MTR: variants seen among roughly 807,000 people sequenced by gnomAD.
The protein encoded by MTR is 5-methyltetrahydrofolate-homocysteine methyltransferase, also known as methionine synthase.
Under a neutral mutation model 154.8 loss-of-function variants are expected in MTR, and 84 were observed. The ratio of observed to expected loss-of-function variants is 0.54; its 90% CI spans 0.45 to 0.65. The LOEUF (loss-of-function observed/expected upper bound fraction) is 0.65. MTR is among the 30% of genes least tolerant of loss of function. The pLI is 0.00. For synonymous variants in MTR, 554 were observed against 553.9 expected, an observed-to-expected ratio of 1.00 and a Z score of 0.00; for missense variants, 1,275 against 1,570.2, an observed-to-expected ratio of 0.81 and a Z score of 3.18.
At chr1:236,854,941 A>G (rs954954829) in intron 18 of MTR, among the ~76,000 whole-genome samples, 1 of 152,220 alleles carries the variant, frequency 6.6e-6, no homozygotes, top group African/African-American at 2.4e-5. Flanking sequence ...GAATTTCCTC[A>G]TTCTTAATGT....
chr1:236,896,938 C>T, intron 31 of MTR, 68 bp from the exon 32 acceptor site: 2 of 1,138,948 alleles, frequency 1.8e-6, no homozygotes, highest in Non-Finnish European at 2.7e-6. Context: ...TCATTGAGTG[C>T]CTGCTAGCTG....
chr1:236,884,956 A>G (rs906767509), intron 25 of MTR, among the ~76,000 whole-genome samples, 165 bp from the exon 26 acceptor site: 4 of 152,210 alleles, frequency 2.6e-5, no homozygotes, highest in African/African-American at 9.6e-5. Flanking sequence ...TCCCAAGCCC[A>G]CTGAGTTTAC....
At chr1:236,859,202 G>A (rs1288501280) in intron 18 of MTR, among the ~76,000 whole-genome samples, 1 of 152,242 alleles carries the variant, frequency 6.6e-6, no homozygotes, top group East Asian at 1.9e-4. Context: ...TCATAACATG[G>A]CAGAGGGCAT....
chr1:236,820,303 AAGG>A, intron 8 of MTR: 1 of 753,154 alleles, frequency 1.3e-6, no homozygotes, highest in Non-Finnish European at 2.4e-6. Flanking sequence ...GACTGTGACC[AAGG>A]AGGAGTTTCA....
intron 22 of MTR, among the ~76,000 whole-genome samples, chr1:236,873,066 T>G (rs2147876240): frequency 6.6e-6 from 1 of 152,362 alleles, no homozygotes; most frequent in East Asian, 1.9e-4. Context: ...GCAAAACATG[T>G]TATCTCCATA....
chr1:236,880,714 A>G, intron 24 of MTR, 41 bp from the exon 25 acceptor site: 6 of 1,473,322 alleles, frequency 4.1e-6, no homozygotes, highest in East Asian at 2.3e-5. Flanking sequence ...AGGAACTGTC[A>G]GTGCTGATGG....
chr1:236,893,454 C>T (rs1426376450), intron 29 of MTR, among the ~76,000 whole-genome samples: 1 of 152,184 alleles, frequency 6.6e-6, no homozygotes, highest in East Asian at 1.9e-4. Context: ...CTCCCACTGT[C>T]TGACCTTGGG....
At chr1:236,810,394 C>A in intron 4 of MTR, 109 bp from the exon 5 acceptor site, 2 of 934,684 alleles carry the variant, frequency 2.1e-6, no homozygotes, top group Non-Finnish European at 3.5e-6. Flanking sequence ...GAGTTGTGGA[C>A]AAAAGATTAT....
intron 5 of MTR, chr1:236,811,700 C>T (rs1048615934): frequency 8.8e-5 from 40 of 456,208 alleles, no homozygotes; most frequent in African/African-American, 4.6e-4. Flanking sequence ...AGGTGAAGTA[C>T]GGTAAGTCTT....
chr1:236,853,882 T>TC (rs1168031008), intron 18 of MTR, among the ~76,000 whole-genome samples: 14 of 152,348 alleles, frequency 9.2e-5, no homozygotes, highest in African/African-American at 3.4e-4. Flanking sequence ...CCTAGGCACA[T>TC]GAAGTATCTA....
At chr1:236,845,975 C>T (rs566243250) in intron 15 of MTR, among the ~76,000 whole-genome samples, 60 of 152,280 alleles carry the variant, frequency 3.9e-4, no homozygotes, top group Middle Eastern at 6.8e-3. Flanking sequence ...ACTACTGTTG[C>T]GACTAAGCAA....
intron 6 of MTR, among the ~76,000 whole-genome samples, chr1:236,815,269 A>G (rs1011960239): frequency 1.3e-5 from 2 of 152,194 alleles, no homozygotes; most frequent in African/African-American, 4.8e-5. Context: ...AGGCTCAGGC[A>G]GTCGTCCTGT....
chr1:236,875,437 A>C (rs1011793640), intron 24 of MTR, among the ~76,000 whole-genome samples: 1 of 152,194 alleles, frequency 6.6e-6, no homozygotes, highest in Non-Finnish European at 1.5e-5. Context: ...TGTTCACATG[A>C]TAATTATTCA....
chr1:236,857,379 C>T (rs1664269211), intron 18 of MTR, among the ~76,000 whole-genome samples: 1 of 152,224 alleles, frequency 6.6e-6, no homozygotes, highest in Admixed American at 6.5e-5. Flanking sequence ...AAAATATTCT[C>T]CCCATTTTGT....
intron 8 of MTR, chr1:236,820,217 G>A: frequency 2.6e-6 from 2 of 757,218 alleles, no homozygotes; most frequent in East Asian, 2.4e-5. Flanking sequence ...GAACACTTGC[G>A]GGAGGTCATG....
chr1:236,809,560 A>G (rs1433237417), intron 4 of MTR, among the ~76,000 whole-genome samples: 4 of 152,238 alleles, frequency 2.6e-5, no homozygotes, highest in Non-Finnish European at 5.9e-5. Context: ...ATGGAAATGC[A>G]TAGACTATTA....
intron 30 of MTR, 72 bp from the exon 31 acceptor site, chr1:236,895,286 G>A (rs976408062): frequency 6.7e-7 from 1 of 1,502,922 alleles, no homozygotes; most frequent in South Asian, 1.2e-5. Context: ...TTCTAATTCA[G>A]GGGGTGGAGG....
chr1:236,821,528 C>T (rs990666880), intron 8 of MTR, among the ~76,000 whole-genome samples: 1 of 152,174 alleles, frequency 6.6e-6, no homozygotes, highest in Admixed American at 6.5e-5. Flanking sequence ...TTCTCATGTA[C>T]TTAATACTGT....
intron 16 of MTR, 97 bp from the exon 17 acceptor site, chr1:236,852,423 GT>G (rs202066967): frequency 3.1e-5 from 27 of 875,598 alleles, no homozygotes; most frequent in Non-Finnish European, 3.6e-5. Flanking sequence ...GATGCTTTTT[GT>G]TTTTTTTTCT....
Sources: allele counts gnomAD v4.1 joint callset (sites outside exome capture counted in the v4.1 genomes callset), GRCh38; gene constraint gnomAD v4.1.1; transcripts MANE v1.5; gene names NCBI Gene and HGNC (gene_info 2026-07-23, HGNC 2026-07-21).